The following MAPK10 variants were observed in gnomAD, a reference collection of about 807,000 sequenced individuals.
MAPK10 encodes the protein mitogen-activated protein kinase 10.
MAPK10 carries 25 observed loss-of-function variants against 59.3 expected under a neutral mutation model. That is an observed-to-expected ratio of 0.42 (90% CI 0.31 to 0.59). The LOEUF (loss-of-function observed/expected upper bound fraction) is 0.59, where lower values mean the gene tolerates loss of function less well. MAPK10 is among the 20% of genes least tolerant of loss of function. The probability of loss-of-function intolerance (pLI) is 0.15; values close to 1 mark genes in which losing one functional copy is unlikely to be tolerated. For missense variants in MAPK10, 351 were observed against 568.9 expected, an observed-to-expected ratio of 0.62 and a Z score of 3.90; for synonymous variants, 190 against 200.5, an observed-to-expected ratio of 0.95 and a Z score of 0.44.
intron 1 of MAPK10, among the ~76,000 whole-genome samples, chr4:86,477,538 T>C (rs1753202262): frequency 6.6e-6 from 1 of 152,072 alleles, no homozygotes; most frequent in Non-Finnish European, 1.5e-5. Context: ...TACCATCTCA[T>C]TACAACCTAA....
intron 1 of MAPK10, among the ~76,000 whole-genome samples, chr4:86,393,485 T>C (rs1012629557): frequency 2.6e-5 from 4 of 152,174 alleles, no homozygotes; most frequent in Non-Finnish European, 4.4e-5. Flanking sequence ...ATGTTTGTGA[T>C]CAAAAATAAA....
chr4:86,165,913 A>T (rs1047974222), intron 3 of MAPK10, among the ~76,000 whole-genome samples: 2 of 152,194 alleles, frequency 1.3e-5, no homozygotes, highest in African/African-American at 2.4e-5. Flanking sequence ...AAAAATCAAT[A>T]AAGCAGCAAA....
intron 3 of MAPK10, among the ~76,000 whole-genome samples, chr4:86,189,916 G>A (rs182122916): frequency 6.6e-6 from 1 of 152,200 alleles, no homozygotes. Flanking sequence ...TTTGAGATAC[G>A]TTCCATCAGT....
chr4:86,458,975 A>C (rs1422676958), intron 1 of MAPK10, among the ~76,000 whole-genome samples: 4 of 152,252 alleles, frequency 2.6e-5, no homozygotes, highest in Admixed American at 2.6e-4. Flanking sequence ...GTGAATAGAC[A>C]ACCCACAGAA....
intron 9 of MAPK10, chr4:86,090,638 T>G (rs1348682508): frequency 6.6e-6 from 1 of 152,176 alleles, no homozygotes; most frequent in Non-Finnish European, 1.5e-5. Flanking sequence ...TGAGAAATCT[T>G]TGATTAAAGA....
At chr4:86,314,996 A>C (rs923993532) in intron 2 of MAPK10, among the ~76,000 whole-genome samples, 1 of 152,156 alleles carries the variant, frequency 6.6e-6, no homozygotes, top group Non-Finnish European at 1.5e-5. Flanking sequence ...TAATGTTTAA[A>C]ATACTTTTAA....
chr4:86,309,085 AT>A (rs1218180943), intron 2 of MAPK10, among the ~76,000 whole-genome samples: 6 of 152,334 alleles, frequency 3.9e-5, no homozygotes, highest in Non-Finnish European at 5.9e-5. Context: ...ATGGAAAAAA[AT>A]AAATCATTTT....
At position 86,064,380 on chromosome 4, in the gene MAPK10, G is replaced by A; in HGVS notation, c.996C>T (p.Ala332=). The A allele has an allele frequency of 6.2e-7, 1 of 1,613,918 alleles. No homozygotes were observed. The highest frequency in any genetic ancestry group is 8.5e-7 in the Non-Finnish European group (1 of 1,179,940). ...SEHNKLKASQ[A]RDLLSKMLVI... Reference sequence around the variant, plus strand: ...CTAGCATCTTTGACAACAAGTCCCTGGCTTGGCTGGCTGAAACAATAAATG... The same window carrying A: ...CTAGCATCTTTGACAACAAGTCCCTAGCTTGGCTGGCTGAAACAATAAATG... Residue 332 remains alanine (A), a synonymous_variant, in exon 11 of 14, where the codon GCC becomes GCT. Transcript: ENST00000641462.
intron 1 of MAPK10, among the ~76,000 whole-genome samples, chr4:86,587,975 C>G (rs1762753617): frequency 6.6e-6 from 1 of 152,130 alleles, no homozygotes; most frequent in African/African-American, 2.4e-5. Context: ...TATGGCTGTG[C>G]CTGTGAATAG....
intron 2 of MAPK10, among the ~76,000 whole-genome samples, chr4:86,330,587 G>A (rs2096129599): frequency 6.6e-6 from 1 of 152,008 alleles, no homozygotes. Flanking sequence ...TTTTATAAGG[G>A]GCTTTTCCCT....
intron 11 of MAPK10, chr4:86,031,841 A>G: frequency 6.2e-6 from 1 of 160,316 alleles, no homozygotes; most frequent in Non-Finnish European, 1.4e-5. Flanking sequence ...TAGGCTAATA[A>G]GATTTTGTTC....
intron 11 of MAPK10, among the ~76,000 whole-genome samples, chr4:86,041,473 T>C (rs780479374): frequency 2.0e-5 from 3 of 151,890 alleles, no homozygotes; most frequent in Non-Finnish European, 4.4e-5. Context: ...AAAGAAAAAT[T>C]GACAATTGGG....
intron 2 of MAPK10, among the ~76,000 whole-genome samples, chr4:86,242,255 G>A (rs1346834428): frequency 6.6e-6 from 1 of 152,086 alleles, no homozygotes; most frequent in Non-Finnish European, 1.5e-5. Context: ...GACCTCGAGA[G>A]GCACCAACCT....
Position 86,245,311 on chromosome 4 carries a change from A to ATT in MAPK10, c.-6-50906_-6-50905dup, listed in dbSNP as rs35547091. 1.6e-3 allele frequency among the ~76,000 whole-genome samples: 226 copies of ATT among 137,314 alleles called. 2 individuals are homozygous for ATT. Among genetic ancestry groups the ATT allele is most frequent in the African/African-American group, 3.8e-3 (139 of 36,836 alleles). The allele number at this position is 137,314 out of a possible 152,430, so 90.1% of individuals were successfully genotyped here. On this transcript the variant is annotated intron_variant, in intron 2 of 13. Coordinates refer to ENST00000641462, the MANE Select transcript of MAPK10 (RefSeq NM_138982.4). ...AAAACACACACTAGCACAAGTGCCA[A>ATT]TTTTTTTTTTTTTTTTTTGAGACAG...
At chr4:86,467,018 C>T (rs1046184868) in intron 1 of MAPK10, among the ~76,000 whole-genome samples, 1 of 152,202 alleles carries the variant, frequency 6.6e-6, no homozygotes, top group African/African-American at 2.4e-5. Flanking sequence ...TGATGTGGAA[C>T]AGAGCCTGTC....
chr4:86,372,564 G>GAAAGAAAGAAAGAAAAGAAAAGA, intron 1 of MAPK10, among the ~76,000 whole-genome samples: 260 of 78,348 alleles, frequency 3.3e-3, no homozygotes, highest in Middle Eastern at 5.9e-3. Flanking sequence ...AAGAAAGAAA[G>GAAAGAAAGAAAGAAAAGAAAAGA]AAAGAAAAGA....
chr4:86,262,202 G>A (rs1194631507), intron 2 of MAPK10, among the ~76,000 whole-genome samples: 2 of 152,278 alleles, frequency 1.3e-5, no homozygotes, highest in African/African-American at 4.8e-5. Flanking sequence ...GAGTGGGTTA[G>A]CTATCACAGG....
At chr4:86,405,289 GT>G (rs1283365081) in intron 1 of MAPK10, among the ~76,000 whole-genome samples, 2 of 152,112 alleles carry the variant, frequency 1.3e-5, no homozygotes, top group Non-Finnish European at 2.9e-5. Flanking sequence ...AGAATGTGTT[GT>G]TAAAACTAAA....
At chr4:86,461,906 G>A (rs767900864) in intron 1 of MAPK10, among the ~76,000 whole-genome samples, 3 of 152,186 alleles carry the variant, frequency 2.0e-5, no homozygotes, top group Non-Finnish European at 1.5e-5. Context: ...ATGATTTAGA[G>A]GCTTGGCAGT....
Sources: gnomAD v4.1 joint callset for allele counts (sites outside exome capture counted in the v4.1 genomes callset) on GRCh38, gnomAD v4.1.1 for gene constraint, MANE v1.5 for transcripts, NCBI Gene and HGNC (gene_info 2026-07-23, HGNC 2026-07-21) for gene names.